CHN2: variants seen among roughly 807,000 people sequenced by gnomAD.
CHN2 encodes the protein chimerin 2, also known as beta-chimaerin.
Under a neutral mutation model 56.3 loss-of-function variants are expected in CHN2, and 35 were observed. The observed-to-expected ratio is 0.62, with a 90% CI of 0.47 to 0.82. The LOEUF is 0.82. CHN2 is among the 40% of genes least tolerant of loss of function. CHN2 has a pLI of 0.00. For synonymous variants in CHN2, 210 were observed against 212.8 expected (o/e 0.99, Z 0.12); for missense variants, 491 against 580.5 (o/e 0.85, Z 1.58).
At chr7:29,336,761 A>C (rs1354065610) in intron 1 of CHN2, among the ~76,000 whole-genome samples, 27 of 2,344 alleles carry the variant, frequency 0.012, no homozygotes, top group African/African-American at 0.038. Flanking sequence ...TTCTGTCTCA[A>C]AAAAAAAAAA....
chr7:29,482,458 G>T (rs1465635038), intron 7 of CHN2, among the ~76,000 whole-genome samples: 2 of 152,058 alleles, frequency 1.3e-5, no homozygotes, highest in Non-Finnish European at 2.9e-5. Context: ...ACTTTACATG[G>T]TTTTTGGAAG....
chr7:29,494,286 T>C (rs545478254), intron 7 of CHN2, among the ~76,000 whole-genome samples: 2 of 152,252 alleles, frequency 1.3e-5, no homozygotes, highest in South Asian at 2.1e-4. Flanking sequence ...CTTTTTTTTT[T>C]CTGGAGTTGC....
At chr7:29,385,192 A>G (rs1800822921) in intron 3 of CHN2, among the ~76,000 whole-genome samples, 1 of 152,194 alleles carries the variant, frequency 6.6e-6, no homozygotes, top group Non-Finnish European at 1.5e-5. Flanking sequence ...CAGCATTATC[A>G]AAAGCAAATA....
chr7:29,273,383 A>G (rs7808139), intron 1 of CHN2, among the ~76,000 whole-genome samples: 5 of 58,670 alleles, frequency 8.5e-5, no homozygotes, highest in African/African-American at 1.6e-4. Flanking sequence ...ATATATATAT[A>G]TATATACACA....
chr7:29,347,829 A>G (rs546943245), intron 1 of CHN2, among the ~76,000 whole-genome samples: 3 of 152,260 alleles, frequency 2.0e-5, no homozygotes, highest in Non-Finnish European at 4.4e-5. Flanking sequence ...AAAGAAAATA[A>G]CATAGATCTA....
chr7:29,361,818 G>T (rs1798755889), intron 2 of CHN2, among the ~76,000 whole-genome samples: 1 of 152,156 alleles, frequency 6.6e-6, no homozygotes, highest in Non-Finnish European at 1.5e-5. Context: ...TTGTAAACCA[G>T]TCTTGTTGAT....
chr7:29,166,331 G>C (rs1007491122), intron 2 of CHN2, among the ~76,000 whole-genome samples: 14 of 152,244 alleles, frequency 9.2e-5, no homozygotes, highest in African/African-American at 3.4e-4. Context: ...CGCCCAACAT[G>C]GATAGCAAAG....
intron 2 of CHN2, among the ~76,000 whole-genome samples, 167 bp downstream of exon 2, chr7:29,354,830 G>GC (rs1251070533): frequency 1.3e-5 from 2 of 151,964 alleles, no homozygotes; most frequent in African/African-American, 4.8e-5. Context: ...GATTAACAGA[G>GC]CCCCCTCCTC....
intron 2 of CHN2, among the ~76,000 whole-genome samples, chr7:29,153,158 G>A (rs1351246385): frequency 6.6e-6 from 1 of 152,166 alleles, no homozygotes; most frequent in Non-Finnish European, 1.5e-5. Context: ...AGGTAAGAGG[G>A]TATATTTCAT....
chr7:29,179,479 C>A (rs1457396822), intron 2 of CHN2, among the ~76,000 whole-genome samples: 1 of 152,202 alleles, frequency 6.6e-6, no homozygotes, highest in Non-Finnish European at 1.5e-5. Context: ...GCTAGAAAAT[C>A]CAGGAACCCA....
chr7:29,221,339 G>A (rs955607942), intron 1 of CHN2, among the ~76,000 whole-genome samples: 1 of 152,076 alleles, frequency 6.6e-6, no homozygotes, highest in Non-Finnish European at 1.5e-5. Context: ...CTGGATGCAA[G>A]GTCAGTGTAA....
At chr7:29,157,942 C>A (rs80008984) in intron 2 of CHN2, among the ~76,000 whole-genome samples, 2 of 152,128 alleles carry the variant, frequency 1.3e-5, no homozygotes, top group Admixed American at 6.5e-5. Context: ...TACTGTTTCT[C>A]ATTTGTGATT....
At position 29,509,287 on chromosome 7, in the gene CHN2, C is replaced by T. The variant is rs200368407; in HGVS notation, c.1130-14C>T. The T allele has an allele frequency of 4.4e-5, 70 of 1,597,654 alleles. No individual in the cohort carries two copies. The African/African-American group carries it at 5.5e-4, about 13-fold the overall frequency. On this transcript the variant is annotated splice_polypyrimidine_tract_variant and intron_variant, in intron 11 of 12. Coordinates refer to ENST00000222792, the MANE Select transcript of CHN2 (RefSeq NM_004067.4). ...ACACTCTGAACTAATACCCATCATGCGTGAACTTCACAGAAATCTCCAATG... is the reference window on the plus strand; with the variant it reads ...ACACTCTGAACTAATACCCATCATGTGTGAACTTCACAGAAATCTCCAATG...
intron 2 of CHN2, among the ~76,000 whole-genome samples, chr7:29,180,035 T>G (rs1013735044): frequency 1.1e-4 from 16 of 152,230 alleles, no homozygotes; most frequent in Admixed American, 6.5e-4. Context: ...AAATAAGATG[T>G]CCTTTCATCA....
intron 1 of CHN2, among the ~76,000 whole-genome samples, chr7:29,287,660 A>G (rs1792262886): frequency 1.3e-5 from 2 of 152,156 alleles, no homozygotes; most frequent in African/African-American, 2.4e-5. Flanking sequence ...AGCTCAAAGA[A>G]CAATAAATTT....
At chr7:29,358,153 CG>C (rs144850884) in intron 2 of CHN2, among the ~76,000 whole-genome samples, 8,291 of 152,230 alleles carry the variant, frequency 0.054, 313 homozygotes, top group East Asian at 0.19. Flanking sequence ...TTTTCATTGA[CG>C]TTTTTTTGGC....
chr7:29,409,444 T>A (rs1802986028), intron 6 of CHN2, among the ~76,000 whole-genome samples: 1 of 152,192 alleles, frequency 6.6e-6, no homozygotes, highest in South Asian at 2.1e-4. Context: ...AATAAAAAAG[T>A]GATGAGAATA....
At chr7:29,197,895 T>G in intron 1 of CHN2, 1 of 456,174 alleles carries the variant, frequency 2.2e-6, no homozygotes, top group Non-Finnish European at 4.4e-6. Flanking sequence ...AGTTGGGCCT[T>G]GAAAGCTGAG....
rs370906657 is a variant in CHN2 at position 29,507,277 on chromosome 7, C to T, written c.1041C>T (p.Ile347=). 20 of 1,613,098 alleles carry T rather than the reference C, an allele frequency of 1.2e-5. No homozygotes were observed. The highest frequency in any genetic ancestry group is 1.6e-5 in the Non-Finnish European group (19 of 1,179,592). ...ISANVYPDIN[I]ITGALKLYFR... ...CCAATGTCTATCCAGACATAAACAT[C>T]ATCACTGGAGCCCTTAAACTGTATT... The change falls in exon 11 of 13, where the codon ATC becomes ATT. Residue 347 remains isoleucine (I), a synonymous_variant. Transcript: ENST00000222792.
Sources: allele counts gnomAD v4.1 joint callset (sites outside exome capture counted in the v4.1 genomes callset), GRCh38; gene constraint gnomAD v4.1.1; transcripts MANE v1.5; gene names NCBI Gene and HGNC (gene_info 2026-07-23, HGNC 2026-07-21).